Variants in ECSCR observed in about 807,000 individuals in gnomAD.
The protein encoded by ECSCR is endothelial cell surface expressed chemotaxis and apoptosis regulator, also known as endothelial cell-specific chemotaxis regulator.
Under a neutral mutation model 16.7 loss-of-function variants are expected in ECSCR, and 12 were observed. That is an observed-to-expected ratio of 0.72 (90% CI 0.46 to 1.17). The LOEUF is 1.17. Ranked by LOEUF, ECSCR falls within the 50% of genes most tolerant of loss-of-function variation. The probability of loss-of-function intolerance (pLI) is 0.00; values close to 1 mark genes in which losing one functional copy is unlikely to be tolerated. For missense variants in ECSCR, 122 were observed against 116.1 expected, an observed-to-expected ratio of 1.05 and a Z score of -0.23; for synonymous variants, 44 against 42.2, an observed-to-expected ratio of 1.04 and a Z score of -0.17.
At chr5:139,454,765 G>A (rs956805099) in intron 7 of ECSCR, 60 bp downstream of exon 7, 6 of 398,248 alleles carry the variant, frequency 1.5e-5, no homozygotes, top group African/African-American at 6.2e-5. Context: ...TGTGAGCTGG[G>A]GCTCTAGCCC....
At chr5:139,457,858 T>A in intron 2 of ECSCR, 51 bp from the exon 3 acceptor site, 3 of 1,550,548 alleles carry the variant, frequency 1.9e-6, no homozygotes, top group Non-Finnish European at 2.6e-6. Flanking sequence ...TACTGTTCCA[T>A]CTCCCTCTCT....
rs1212678337 is a variant in ECSCR at position 139,458,131 on chromosome 5, G to A, written c.106+8C>T. ...CACGCTGGAGTAGACCCATGTGTTT[G>A]GTCTTACCCTGAGAGCTAGAGGTCT... On this transcript the variant is annotated splice_region_variant and intron_variant, in intron 2 of 9. Coordinates refer to ENST00000618155, the MANE Select transcript of ECSCR (RefSeq NM_001077693.4). 1 of 1,549,446 alleles carries A rather than the reference G, an allele frequency of 6.5e-7. No individual in the cohort carries two copies.
intron 5 of ECSCR, among the ~76,000 whole-genome samples, chr5:139,456,150 C>G (rs1751153680): frequency 6.6e-6 from 1 of 152,004 alleles, no homozygotes; most frequent in Admixed American, 6.6e-5. Flanking sequence ...TAAAAACTAG[C>G]TGGGCCTTTT....
intron 4 of ECSCR, 120 bp downstream of exon 4, chr5:139,457,425 G>T: frequency 2.7e-6 from 2 of 747,908 alleles, no homozygotes; most frequent in African/African-American, 1.7e-5. Context: ...CTCAGTGTGA[G>T]GGTCTATTTC....
chr5:139,449,239 C>A (rs1033629494), intron 8 of ECSCR, 65 bp from the exon 9 acceptor site: 17 of 1,223,786 alleles, frequency 1.4e-5, no homozygotes, highest in African/African-American at 1.4e-4. Flanking sequence ...AGTCAAGGAA[C>A]TGTGAGGTTG....
At position 139,448,561 on chromosome 5, in the gene ECSCR, G is replaced by T; in HGVS notation, c.*339C>A. 2.6e-6 allele frequency: 1 copy of T among 379,572 alleles called. No individual in the cohort carries two copies. The highest frequency in any genetic ancestry group is 4.5e-6 in the Non-Finnish European group (1 of 221,490). 23.5% of individuals were successfully genotyped at this position (379,572 alleles called of 1,614,324 possible). A position where few individuals can be genotyped will look rare whatever the true frequency, so the allele number is the denominator to read the frequency against. ...CATAGACCTTAAAAGTAATTAGACT[G>T]CAGGCTAGAAAATAATTTTAATGCA... On this transcript the variant is annotated 3_prime_UTR_variant, in exon 10 of 10. Coordinates refer to ENST00000618155, the MANE Select transcript of ECSCR (RefSeq NM_001077693.4).
At chr5:139,456,283 T>A (rs995749277) in intron 5 of ECSCR, among the ~76,000 whole-genome samples, 191 bp downstream of exon 5, 1 of 152,138 alleles carries the variant, frequency 6.6e-6, no homozygotes. Context: ...AGGTGCTATG[T>A]CACCTGTGTC....
In ECSCR at chr5:139,462,622, G is replaced by T. The variant is rs781224627; in HGVS notation, c.49C>A (p.Leu17Ile). Reference sequence around the variant, plus strand: ...AGGCACCTCTTACCTCGGAACAGGAGGAAGCCCAGGATCACCCAGCACAGC... The same window carrying T: ...AGGCACCTCTTACCTCGGAACAGGATGAAGCCCAGGATCACCCAGCACAGC... The part of the protein sequence containing the change: ...MQLCWVILGF[L>I]LFRGHNSQPT... The change falls in exon 1 of 10, where the codon CTC becomes ATC. Residue 17 changes from leucine (L) to isoleucine (I), a missense_variant. Transcript: ENST00000618155. 5 of 1,598,030 alleles carry T rather than the reference G, an allele frequency of 3.1e-6. No individual in the cohort carries two copies. The highest frequency in any genetic ancestry group is 4.3e-6 in the Non-Finnish European group (5 of 1,172,776).
intron 4 of ECSCR, among the ~76,000 whole-genome samples, chr5:139,456,888 C>A (rs1751169553): frequency 6.6e-6 from 1 of 152,200 alleles, no homozygotes; most frequent in African/African-American, 2.4e-5. Flanking sequence ...TCACCGCTGC[C>A]CCCCGCCCTG....
chr5:139,454,944 G>A, intron 6 of ECSCR, 21 bp from the exon 7 acceptor site: 2 of 398,850 alleles, frequency 5.0e-6, no homozygotes, highest in Non-Finnish European at 4.4e-6. Flanking sequence ...AAAAGAATGG[G>A]GTGAAGGGGG....
intron 8 of ECSCR, among the ~76,000 whole-genome samples, chr5:139,451,440 G>A (rs1751046236): frequency 6.7e-6 from 1 of 149,858 alleles, no homozygotes; most frequent in African/African-American, 2.5e-5. Flanking sequence ...TGTAGTATGA[G>A]GTATGTGTGT....
chr5:139,462,500 TG>T, intron 1 of ECSCR, 109 bp downstream of exon 1: 1 of 1,162,978 alleles, frequency 8.6e-7, no homozygotes, highest in Non-Finnish European at 1.3e-6. Flanking sequence ...GAATTTCCCC[TG>T]GGCACAGCCC....
chr5:139,453,931 G>GGGGTGTGTATGAGATGTGT (rs1751099613), intron 8 of ECSCR, among the ~76,000 whole-genome samples: 1 of 148,910 alleles, frequency 6.7e-6, no homozygotes, highest in Non-Finnish European at 1.5e-5. Flanking sequence ...TGTGGTATGT[G>GGGGTGTGTATGAGATGTGT]GGGTGTGTAT....
At position 139,448,792 on chromosome 5, in the gene ECSCR, T is replaced by C; in HGVS notation, c.*108A>G. 2 of 1,508,002 alleles carry C rather than the reference T, an allele frequency of 1.3e-6. No homozygotes were observed. The highest frequency in any genetic ancestry group is 1.8e-6 in the Non-Finnish European group (2 of 1,134,720). The allele number at this position is 1,508,002 out of a possible 1,614,324, so 93.4% of individuals were successfully genotyped here. A position where few individuals can be genotyped will look rare whatever the true frequency, so the allele number is the denominator to read the frequency against. On this transcript the variant is annotated 3_prime_UTR_variant, in exon 10 of 10. Coordinates refer to ENST00000618155, the MANE Select transcript of ECSCR (RefSeq NM_001077693.4). ...AGATCTAGAAGCAGACATGAAACAA[T>C]AAAATAATTTACATGTGGTTCATTG...
At position 139,457,754 on chromosome 5, in the gene ECSCR, C is replaced by A; in HGVS notation, c.157+3G>T. The A allele has an allele frequency of 1.2e-6, 2 of 1,613,166 alleles. No individual in the cohort carries two copies. The highest frequency in any genetic ancestry group is 1.7e-6 in the Non-Finnish European group (2 of 1,179,542). On this transcript the variant is annotated splice_donor_region_variant and intron_variant, in intron 3 of 9. Transcript: ENST00000618155. ...AGGGACCTCAGCAACCACACTCACTCACCTGGGTTGGAAGAAACTGGCTCT... is the reference window on the plus strand; with the variant it reads ...AGGGACCTCAGCAACCACACTCACTAACCTGGGTTGGAAGAAACTGGCTCT...
intron 5 of ECSCR, among the ~76,000 whole-genome samples, chr5:139,456,161 G>A (rs1340311955): frequency 6.6e-6 from 1 of 152,024 alleles, no homozygotes; most frequent in Non-Finnish European, 1.5e-5. Flanking sequence ...TGGGCCTTTT[G>A]GTGCATGCCT....
At position 139,449,076 on chromosome 5, in the gene ECSCR, AC is replaced by A; in HGVS notation, c.609+1del. 6.5e-7 allele frequency: 1 copy of A among 1,536,724 alleles called. No individual in the cohort carries two copies. The highest frequency in any genetic ancestry group is 8.7e-7 in the Non-Finnish European group (1 of 1,146,444). On this transcript the variant is annotated splice_donor_variant, in intron 9 of 9. Transcript: ENST00000618155. ...AGGAAGGCAGGAAACAGAAAAATGT[AC>A]CTTCTCTGCTGAGAGACTTTGTTTG...
At chr5:139,458,500 C>CAAAAAAAAAAAAAAAAAAAAAAAAAAAA (rs397882364) in intron 1 of ECSCR, among the ~76,000 whole-genome samples, 6 of 85,356 alleles carry the variant, frequency 7.0e-5, no homozygotes, top group African/African-American at 3.2e-4. Flanking sequence ...CCTATCTCAA[C>CAAAAAAAAAAAAAAAAAAAAAAAAAAAA]AAAAAAAAAA....
intron 8 of ECSCR, among the ~76,000 whole-genome samples, chr5:139,450,900 G>A (rs535910666): frequency 5.3e-4 from 80 of 152,306 alleles, no homozygotes; most frequent in African/African-American, 1.9e-3. Context: ...TAAGCTTAGA[G>A]ATAATGTCTT....
Sources: allele counts gnomAD v4.1 joint callset (sites outside exome capture counted in the v4.1 genomes callset), GRCh38; gene constraint gnomAD v4.1.1; transcripts MANE v1.5; gene names NCBI Gene and HGNC (gene_info 2026-07-23, HGNC 2026-07-21).